Variants in COL4A2 observed in about 807,000 individuals in gnomAD.
The protein encoded by COL4A2 is collagen type IV alpha 2 chain.
Under a neutral mutation model 200.2 loss-of-function variants are expected in COL4A2, and 99 were observed. That is an observed-to-expected ratio of 0.49 (90% CI 0.42 to 0.58). The LOEUF (loss-of-function observed/expected upper bound fraction) is 0.58. Ranked by LOEUF, COL4A2 falls within the 20% of genes least tolerant of loss-of-function variation. The pLI, the probability that COL4A2 is intolerant of heterozygous loss-of-function variation, is 0.00. For synonymous variants in COL4A2, 897 were observed against 900.6 expected, an observed-to-expected ratio of 1.00 and a Z score of 0.07; for missense variants, 1,950 against 2,314.1, an observed-to-expected ratio of 0.84 and a Z score of 3.23.
At chr13:110,424,497 C>T (rs948289487) in intron 4 of COL4A2, among the ~76,000 whole-genome samples, 3 of 102,392 alleles carry the variant, frequency 2.9e-5, no homozygotes, top group Admixed American at 1.2e-4. Flanking sequence ...TTCACAATGA[C>T]ATGACTTTAG....
intron 24 of COL4A2, among the ~76,000 whole-genome samples, chr13:110,464,091 G>T (rs542555508): frequency 6.6e-6 from 1 of 152,180 alleles, no homozygotes; most frequent in Non-Finnish European, 1.5e-5. Context: ...GTGTATGTGT[G>T]TGGTCCGTTT....
chr13:110,386,669 A>G (rs1878764277), intron 4 of COL4A2, among the ~76,000 whole-genome samples: 2 of 152,356 alleles, frequency 1.3e-5, no homozygotes, highest in East Asian at 3.9e-4. Flanking sequence ...TAATAATAAT[A>G]GCATTGTTAT....
intron 32 of COL4A2, among the ~76,000 whole-genome samples, 184 bp downstream of exon 32, chr13:110,482,843 A>G (rs960688736): frequency 1.3e-5 from 2 of 152,114 alleles, no homozygotes; most frequent in Admixed American, 6.5e-5. Flanking sequence ...GCCTCAACAC[A>G]CTGACCATGT....
At chr13:110,421,525 G>C (rs962186200) in intron 4 of COL4A2, among the ~76,000 whole-genome samples, 1 of 152,200 alleles carries the variant, frequency 6.6e-6, no homozygotes, top group African/African-American at 2.4e-5. Context: ...AATCCGTAGA[G>C]ACAGAAAGCA....
intron 4 of COL4A2, among the ~76,000 whole-genome samples, chr13:110,359,919 C>T (rs996516528): frequency 3.3e-5 from 5 of 152,192 alleles, no homozygotes; most frequent in South Asian, 2.1e-4. Context: ...ATTTTTGTTT[C>T]GGTTAAGCAT....
intron 30 of COL4A2, among the ~76,000 whole-genome samples, chr13:110,479,006 C>A (rs1335118266): frequency 6.6e-6 from 1 of 152,210 alleles, no homozygotes; most frequent in Admixed American, 6.5e-5. Flanking sequence ...TGGCTTCCCC[C>A]ATGTGGGGCC....
rs373806617 is a variant in COL4A2 at position 110,512,033 on chromosome 13, G to A, written c.4981G>A (p.Gly1661Ser). 2.4e-5 allele frequency: 39 copies of A among 1,613,446 alleles called. No individual in the cohort carries two copies. The highest frequency in any genetic ancestry group is 1.1e-4 in the East Asian group (5 of 44,896). ...RATPFIECNGGRGTCHYYANK... is the reference protein window; with the variant it reads ...RATPFIECNGSRGTCHYYANK... ...CACACCATTCATCGAATGCAATGGA[G>A]GCCGCGGCACCTGCCACTACTACGC... Residue 1661 changes from glycine (G) to serine (S), a missense_variant, in exon 48 of 48, where the codon GGC (glycine) becomes AGC (serine). By Grantham distance (56) the Gly-to-Ser change is moderately conservative. Coordinates refer to ENST00000360467, the MANE Select transcript of COL4A2 (RefSeq NM_001846.4).
Position 110,345,737 on chromosome 13 carries a change from G to A in COL4A2, c.100-11735G>A, listed in dbSNP as rs116708446. ...TCTATATTAGGGGTGGAGAAGGACA[G>A]GGGGCAAGGGAAGGTGGTTTCTGGC... On this transcript the variant is annotated intron_variant, in intron 3 of 47. Coordinates refer to ENST00000360467, the MANE Select transcript of COL4A2 (RefSeq NM_001846.4). Among the ~76,000 whole-genome samples, 689 of 152,296 alleles carry A rather than the reference G, an allele frequency of 4.5e-3. 5 individuals are homozygous for A. Among genetic ancestry groups the A allele is most frequent in the African/African-American group, 0.015 (637 of 41,556 alleles).
At chr13:110,357,615 A>G in intron 4 of COL4A2, 63 bp downstream of exon 4, 5 of 1,546,562 alleles carry the variant, frequency 3.2e-6, no homozygotes, top group Non-Finnish European at 4.4e-6. Flanking sequence ...TCGCTTAACA[A>G]CGGGGTACCT....
chr13:110,396,682 C>G (rs1479100854), intron 4 of COL4A2, among the ~76,000 whole-genome samples: 1 of 152,156 alleles, frequency 6.6e-6, no homozygotes, highest in Non-Finnish European at 1.5e-5. Context: ...AACCCCATGG[C>G]AGTCTAAGAT....
chr13:110,391,364 G>A (rs765712675), intron 4 of COL4A2, among the ~76,000 whole-genome samples: 1 of 152,228 alleles, frequency 6.6e-6, no homozygotes, highest in Non-Finnish European at 1.5e-5. Context: ...TTACCCAATA[G>A]GAGTAGCCAG....
At chr13:110,423,257 T>C (rs78105641) in intron 4 of COL4A2, among the ~76,000 whole-genome samples, 445 of 32,190 alleles carry the variant, frequency 0.014, 3 homozygotes, top group South Asian at 0.12. Context: ...GAACTTCCCC[T>C]CCCCTCCTTT....
chr13:110,330,673 G>T (rs1875866647), intron 3 of COL4A2, among the ~76,000 whole-genome samples: 1 of 152,110 alleles, frequency 6.6e-6, no homozygotes, highest in African/African-American at 2.4e-5. Flanking sequence ...GGCACGATGG[G>T]GTCCCCGCGG....
chr13:110,442,076 ACTCT>A (rs1310700702), intron 16 of COL4A2, among the ~76,000 whole-genome samples: 6 of 112,396 alleles, frequency 5.3e-5, no homozygotes, highest in Middle Eastern at 7.0e-3. Flanking sequence ...AGACAGTGAG[ACTCT>A]CTGTCTCAAA....
rs183105314 is a variant in COL4A2 at position 110,511,838 on chromosome 13, C to T, written c.4882-96C>T. 671 of 1,572,446 alleles carry T rather than the reference C, an allele frequency of 4.3e-4. 14 individuals carry two copies. In the East Asian group the frequency reaches 9.8e-3, roughly 23 times the overall value. On this transcript the variant is annotated intron_variant, in intron 47 of 47. Coordinates refer to ENST00000360467, the MANE Select transcript of COL4A2 (RefSeq NM_001846.4). Reference sequence around the variant, plus strand: ...GTATTGACACTCATGGTTTGCTGTTCAGTAAAAACAAATGCACAGAAGAGG... The same window carrying T: ...GTATTGACACTCATGGTTTGCTGTTTAGTAAAAACAAATGCACAGAAGAGG...
intron 3 of COL4A2, among the ~76,000 whole-genome samples, chr13:110,353,858 C>A (rs2139383509): frequency 6.6e-6 from 1 of 152,346 alleles, no homozygotes; most frequent in Non-Finnish European, 1.5e-5. Flanking sequence ...GGCTGCCTCT[C>A]AATGAGGTAT....
intron 31 of COL4A2, among the ~76,000 whole-genome samples, chr13:110,481,769 TCCATTGCTGGAGACACACTGCTCTGTCCC>T (rs1281415924): frequency 2.9e-3 from 66 of 23,110 alleles, no homozygotes; most frequent in African/African-American, 9.7e-3. Context: ...GTTCTGTCCC[TCCATTGCTGGAGACACACTGCTCTGTCCC>T]TCCGTTGCTG....
intron 3 of COL4A2, among the ~76,000 whole-genome samples, chr13:110,321,902 C>A (rs1033703451): frequency 6.6e-6 from 1 of 152,204 alleles, no homozygotes; most frequent in African/African-American, 2.4e-5. Flanking sequence ...ATTCAGTTAG[C>A]TCCACCTGGC....
At chr13:110,441,918 A>G (rs973189389) in intron 16 of COL4A2, among the ~76,000 whole-genome samples, 1 of 150,626 alleles carries the variant, frequency 6.6e-6, no homozygotes, top group African/African-American at 2.5e-5. Context: ...TGTCTCTACT[A>G]AAAATACAAA....
Sources: gnomAD v4.1 joint callset for allele counts (sites outside exome capture counted in the v4.1 genomes callset) on GRCh38, gnomAD v4.1.1 for gene constraint, MANE v1.5 for transcripts, NCBI Gene and HGNC (gene_info 2026-07-23, HGNC 2026-07-21) for gene names.